The following KCNN2 variants were observed in gnomAD, a reference collection of about 807,000 sequenced individuals.
KCNN2 encodes the protein small conductance calcium-activated potassium channel protein 2.
In KCNN2, 24 loss-of-function variants were observed where a neutral mutation model predicts 55.5. The observed-to-expected ratio is 0.43, with a 90% CI of 0.31 to 0.61. The LOEUF is 0.61. KCNN2 is among the 20% of genes least tolerant of loss of function. KCNN2 has a pLI of 0.08. For missense variants in KCNN2, 754 were observed against 853.6 expected (o/e 0.88, Z 1.45); for synonymous variants, 431 against 336.1 (o/e 1.28, Z -3.09).
intron 1 of KCNN2, among the ~76,000 whole-genome samples, chr5:114,072,761 C>T (rs1750604139): frequency 6.6e-6 from 1 of 152,180 alleles, no homozygotes; most frequent in Admixed American, 6.5e-5. Context: ...TTGGGAATTT[C>T]TGTGGATTTC....
intron 1 of KCNN2, among the ~76,000 whole-genome samples, chr5:114,095,514 G>T (rs905825916): frequency 6.6e-6 from 1 of 152,104 alleles, no homozygotes; most frequent in African/African-American, 2.4e-5. Context: ...CATCACAGTG[G>T]AATTACAAAT....
At chr5:114,348,469 G>A (rs1213283646) in intron 2 of KCNN2, among the ~76,000 whole-genome samples, 1 of 152,026 alleles carries the variant, frequency 6.6e-6, no homozygotes, top group Admixed American at 6.6e-5. Context: ...TTCAGAGAAT[G>A]CTTTAGTCCC....
intron 6 of KCNN2, among the ~76,000 whole-genome samples, chr5:114,492,491 C>T (rs1314260239): frequency 6.6e-6 from 1 of 152,122 alleles, no homozygotes; most frequent in African/African-American, 2.4e-5. Context: ...ATAAACCACA[C>T]TTCTCTTATT....
chr5:114,280,696 T>C (rs1403195876), intron 2 of KCNN2, among the ~76,000 whole-genome samples: 1 of 152,190 alleles, frequency 6.6e-6, no homozygotes, highest in Non-Finnish European at 1.5e-5. Flanking sequence ...AGCCTGGTAA[T>C]GGTCTATCTA....
intron 2 of KCNN2, among the ~76,000 whole-genome samples, chr5:114,398,875 T>G (rs777300361): frequency 1.3e-5 from 2 of 152,132 alleles, no homozygotes; most frequent in Non-Finnish European, 2.9e-5. Flanking sequence ...ATGCTACTGG[T>G]TTTTATAGAG....
chr5:114,351,578 AT>A (rs1757204122), intron 2 of KCNN2, among the ~76,000 whole-genome samples: 1 of 151,738 alleles, frequency 6.6e-6, no homozygotes, highest in South Asian at 2.1e-4. Flanking sequence ...TTAGTAGTAG[AT>A]TTTTTTCATG....
chr5:114,287,825 T>G (rs1200884932), intron 2 of KCNN2, among the ~76,000 whole-genome samples: 1 of 152,150 alleles, frequency 6.6e-6, no homozygotes, highest in Non-Finnish European at 1.5e-5. Context: ...GATGGTAAAC[T>G]ACAAAACTTT....
intron 3 of KCNN2, among the ~76,000 whole-genome samples, chr5:114,416,816 C>T (rs1452742019): frequency 6.6e-6 from 1 of 151,996 alleles, no homozygotes; most frequent in Non-Finnish European, 1.5e-5. Flanking sequence ...CATATAAAAC[C>T]TCATGTAGGA....
chr5:114,255,584 T>G (rs1158536259), intron 2 of KCNN2, among the ~76,000 whole-genome samples: 1 of 152,160 alleles, frequency 6.6e-6, no homozygotes, highest in Non-Finnish European at 1.5e-5. Flanking sequence ...ATAAGGATTT[T>G]GAATTTTATC....
At chr5:114,113,534 CTG>C (rs2112586299) in intron 1 of KCNN2, among the ~76,000 whole-genome samples, 1 of 152,154 alleles carries the variant, frequency 6.6e-6, no homozygotes, top group Non-Finnish European at 1.5e-5. Context: ...AAAATTTTAT[CTG>C]ACGTTAGCTT....
In KCNN2 at chr5:114,353,016, A is replaced by G. The variant is rs190369111; in HGVS notation, c.-184-7929A>G. The stretch of plus-strand genomic sequence containing the variant: ...AGTCTCTATTATTATTGAATTGGCT[A>G]ATTGTACTTTCAATTCTGGCAGTTT... On this transcript the variant is annotated intron_variant, in intron 2 of 10. Coordinates refer to the KCNN2 transcript ENST00000512097. Among the ~76,000 whole-genome samples the G allele has an allele frequency of 6.5e-4, 99 of 152,020 alleles. 1 individual carries two copies. In the East Asian group the frequency reaches 0.018, roughly 28 times the overall value.
intron 1 of KCNN2, among the ~76,000 whole-genome samples, chr5:114,116,422 A>T (rs139900031): frequency 2.3e-4 from 35 of 152,300 alleles, no homozygotes; most frequent in African/African-American, 8.2e-4. Flanking sequence ...TAAGTACACT[A>T]CTATTTTCTT....
chr5:114,351,193 A>G (rs1470032072), intron 2 of KCNN2, among the ~76,000 whole-genome samples: 1 of 151,718 alleles, frequency 6.6e-6, no homozygotes, highest in Non-Finnish European at 1.5e-5. Context: ...TAATTATTGT[A>G]TTCTTTTTGA....
At chr5:114,402,408 CTTTG>C (rs549260769) in intron 2 of KCNN2, among the ~76,000 whole-genome samples, 52 of 152,168 alleles carry the variant, frequency 3.4e-4, no homozygotes, top group African/African-American at 1.2e-3. Flanking sequence ...CCCTGGTTCT[CTTTG>C]TTTGGGTGTT....
intron 1 of KCNN2, among the ~76,000 whole-genome samples, chr5:114,059,995 C>T (rs921105954): frequency 2.0e-5 from 3 of 152,214 alleles, no homozygotes; most frequent in Non-Finnish European, 4.4e-5. Flanking sequence ...TTTTGACAGT[C>T]ACCAGGTAAT....
At chr5:114,381,444 T>G (rs1213602810) in intron 2 of KCNN2, among the ~76,000 whole-genome samples, 3 of 152,180 alleles carry the variant, frequency 2.0e-5, no homozygotes, top group African/African-American at 7.2e-5. Context: ...GGTGCTATGC[T>G]TACAATGCAG....
intron 4 of KCNN2, among the ~76,000 whole-genome samples, chr5:114,468,103 C>T (rs1194402054): frequency 6.6e-6 from 1 of 152,134 alleles, no homozygotes; most frequent in African/African-American, 2.4e-5. Flanking sequence ...TGAAATTGAC[C>T]TCCACCCTTA....
At chr5:114,126,322 G>C (rs1751929394) in intron 1 of KCNN2, among the ~76,000 whole-genome samples, 1 of 152,040 alleles carries the variant, frequency 6.6e-6, no homozygotes, top group South Asian at 2.1e-4. Context: ...AAGTTTAATT[G>C]ACTCACAGTT....
intron 1 of KCNN2, among the ~76,000 whole-genome samples, chr5:114,089,110 T>A (rs1751083187): frequency 6.6e-6 from 1 of 152,216 alleles, no homozygotes; most frequent in Non-Finnish European, 1.5e-5. Context: ...CAGTGTAGTT[T>A]TCAGCTTCTT....
Sources: allele counts gnomAD v4.1 joint callset (sites outside exome capture counted in the v4.1 genomes callset), GRCh38; gene constraint gnomAD v4.1.1; transcripts MANE v1.5; gene names NCBI Gene and HGNC (gene_info 2026-07-23, HGNC 2026-07-21).